GALNT14: variants seen among roughly 807,000 people sequenced by gnomAD.
GALNT14 encodes UDP-GalNAc:polypeptide N-acetylgalactosaminyltransferase 14.
In GALNT14, 60 loss-of-function variants were observed where a neutral mutation model predicts 77.5. That is an observed-to-expected ratio of 0.77 (90% CI 0.63 to 0.96). The LOEUF (loss-of-function observed/expected upper bound fraction) is 0.96, where lower values mean the gene tolerates loss of function less well. Among genes scored for constraint, GALNT14 ranks in the 40% least tolerant of loss-of-function variants. GALNT14 has a pLI of 0.00. For synonymous variants in GALNT14, 280 were observed against 281.7 expected (o/e 0.99, Z 0.06); for missense variants, 710 against 731.0 (o/e 0.97, Z 0.33).
At chr2:30,922,822 T>A (rs1409677901) in intron 13 of GALNT14, among the ~76,000 whole-genome samples, 1 of 152,248 alleles carries the variant, frequency 6.6e-6, no homozygotes, top group Non-Finnish European at 1.5e-5. Context: ...TCTCTGCATC[T>A]TCATAGTTAA....
chr2:31,111,642 C>A (rs544110997), intron 1 of GALNT14, among the ~76,000 whole-genome samples: 7 of 152,216 alleles, frequency 4.6e-5, no homozygotes, highest in African/African-American at 1.4e-4. Flanking sequence ...GGAGTCCTGG[C>A]GTCATCGCTA....
chr2:31,131,183 A>G (rs1268304935), intron 1 of GALNT14, among the ~76,000 whole-genome samples: 2 of 152,120 alleles, frequency 1.3e-5, no homozygotes, highest in Non-Finnish European at 2.9e-5. Flanking sequence ...TCGGGGAGTA[A>G]AACACACTTG....
chr2:31,012,790 C>G (rs1671111855), intron 1 of GALNT14, among the ~76,000 whole-genome samples: 1 of 151,968 alleles, frequency 6.6e-6, no homozygotes, highest in African/African-American at 2.4e-5. Context: ...AAAACAACAC[C>G]ACCCACACAC....
intron 1 of GALNT14, among the ~76,000 whole-genome samples, chr2:31,052,719 C>T (rs1673957910): frequency 6.6e-6 from 1 of 152,156 alleles, no homozygotes; most frequent in Admixed American, 6.5e-5. Flanking sequence ...AAATCCAGGG[C>T]CTCTTTGGGA....
intron 1 of GALNT14, among the ~76,000 whole-genome samples, chr2:31,119,744 A>G (rs1167481953): frequency 6.6e-6 from 1 of 152,242 alleles, no homozygotes; most frequent in Non-Finnish European, 1.5e-5. Context: ...GTGTACATAG[A>G]TTATTTCAGC....
chr2:30,978,736 C>A (rs1218241901), intron 2 of GALNT14, among the ~76,000 whole-genome samples: 1 of 152,186 alleles, frequency 6.6e-6, no homozygotes, highest in African/African-American at 2.4e-5. Context: ...ATTCACTCAG[C>A]TGATACTGAT....
the GALNT14 span, among the ~76,000 whole-genome samples, chr2:30,899,488 T>G: frequency 6.6e-6 from 1 of 152,100 alleles, no homozygotes; most frequent in South Asian, 2.1e-4. Context: ...TCCTGCAGAG[T>G]GAGGCCAGGT....
intron 1 of GALNT14, among the ~76,000 whole-genome samples, chr2:31,058,728 A>T (rs116470714): frequency 1.4e-3 from 212 of 152,250 alleles, no homozygotes; most frequent in African/African-American, 4.5e-3. Context: ...TTTCATACAC[A>T]ACGTCCCATG....
At chr2:31,103,637 T>A (rs1274531488) in intron 1 of GALNT14, among the ~76,000 whole-genome samples, 3 of 152,172 alleles carry the variant, frequency 2.0e-5, no homozygotes, top group African/African-American at 7.2e-5. Flanking sequence ...CTTATATTAC[T>A]TCATTTGTCA....
intron 8 of GALNT14, among the ~76,000 whole-genome samples, chr2:30,944,558 G>A (rs1251039216): frequency 6.6e-6 from 1 of 152,126 alleles, no homozygotes; most frequent in Non-Finnish European, 1.5e-5. Context: ...ACTAGAGGCC[G>A]AATGGGACCA....
chr2:30,922,508 A>G (rs1005828403), intron 13 of GALNT14, among the ~76,000 whole-genome samples: 12 of 152,074 alleles, frequency 7.9e-5, no homozygotes, highest in African/African-American at 2.9e-4. Flanking sequence ...CTACTCTCCC[A>G]CTGTCCTGCA....
chr2:31,027,995 G>C (rs1201399299), intron 1 of GALNT14, among the ~76,000 whole-genome samples: 1 of 151,952 alleles, frequency 6.6e-6, no homozygotes, highest in Non-Finnish European at 1.5e-5. Flanking sequence ...GGCTGACTTA[G>C]TCCATAGCTA....
chr2:31,095,655 T>C (rs1002408578), intron 1 of GALNT14, among the ~76,000 whole-genome samples: 1 of 151,438 alleles, frequency 6.6e-6, no homozygotes, highest in African/African-American at 2.4e-5. Context: ...GGCCAGCTAT[T>C]TGATGTCCTA....
At chr2:31,120,653 C>T (rs1268825450) in intron 1 of GALNT14, among the ~76,000 whole-genome samples, 5 of 152,064 alleles carry the variant, frequency 3.3e-5, no homozygotes, top group Non-Finnish European at 7.4e-5. Flanking sequence ...GCCTCCTGGG[C>T]TCAAGTGATT....
intron 1 of GALNT14, among the ~76,000 whole-genome samples, chr2:31,044,908 C>T (rs72868787): frequency 0.018 from 2,689 of 151,838 alleles, 80 homozygotes; most frequent in African/African-American, 0.056. Flanking sequence ...GAGTAAGACT[C>T]CATCTCAACA....
At chr2:30,959,234 AGTTTGTATCT>A (rs1354486969) in intron 3 of GALNT14, among the ~76,000 whole-genome samples, 2 of 152,158 alleles carry the variant, frequency 1.3e-5, no homozygotes, top group East Asian at 1.9e-4. Context: ...ATCTCCTAGT[AGTTTGTATCT>A]GATCCTATGA....
chr2:30,901,542 A>G, the GALNT14 span, among the ~76,000 whole-genome samples: 1 of 151,566 alleles, frequency 6.6e-6, no homozygotes, highest in African/African-American at 2.4e-5. Context: ...TTTAATACAT[A>G]TATATGAGTA....
chr2:30,946,901 C>T (rs1332282715), intron 6 of GALNT14, among the ~76,000 whole-genome samples: 1 of 152,186 alleles, frequency 6.6e-6, no homozygotes, highest in Non-Finnish European at 1.5e-5. Context: ...CCATTGGCCA[C>T]CTCCATGTGA....
intron 9 of GALNT14, among the ~76,000 whole-genome samples, chr2:30,940,041 G>A (rs949640524): frequency 1.1e-4 from 17 of 151,638 alleles, no homozygotes; most frequent in African/African-American, 3.9e-4. Context: ...TCAAAGTGCT[G>A]TTAGCTGGCT....
Sources: allele counts gnomAD v4.1 joint callset (sites outside exome capture counted in the v4.1 genomes callset), GRCh38; gene constraint gnomAD v4.1.1; transcripts MANE v1.5; gene names NCBI Gene and HGNC (gene_info 2026-07-23, HGNC 2026-07-21).